SCEL: variants seen among roughly 807,000 people sequenced by gnomAD.
SCEL encodes the protein sciellin.
SCEL carries 113 observed loss-of-function variants against 117.6 expected under a neutral mutation model. The ratio of observed to expected loss-of-function variants is 0.96; its 90% CI spans 0.83 to 1.12. The LOEUF (loss-of-function observed/expected upper bound fraction) is 1.12, where lower values mean the gene tolerates loss of function less well. Ranked by LOEUF, SCEL falls within the 50% of genes most tolerant of loss-of-function variation. The pLI is 0.00. For synonymous variants in SCEL, 270 were observed against 256.2 expected, an observed-to-expected ratio of 1.05 and a Z score of -0.51; for missense variants, 785 against 810.8, an observed-to-expected ratio of 0.97 and a Z score of 0.39.
intron 5 of SCEL, among the ~76,000 whole-genome samples, chr13:77,564,354 CTT>C (rs2085165719): frequency 6.6e-6 from 1 of 152,128 alleles, no homozygotes; most frequent in Non-Finnish European, 1.5e-5. Flanking sequence ...GACGTTAGCT[CTT>C]TACTTTCTCT....
intron 12 of SCEL, among the ~76,000 whole-genome samples, chr13:77,595,678 T>C (rs1342640214): frequency 1.3e-5 from 2 of 152,082 alleles, no homozygotes; most frequent in African/African-American, 4.8e-5. Flanking sequence ...AGTTAGTGGG[T>C]AGAATATCAA....
chr13:77,566,365 A>G (rs943008294), intron 5 of SCEL, among the ~76,000 whole-genome samples: 1 of 152,156 alleles, frequency 6.6e-6, no homozygotes, highest in Non-Finnish European at 1.5e-5. Context: ...AGAGAGTAGA[A>G]AAAACATATC....
Position 77,627,982 on chromosome 13 carries a change from C to T in SCEL, c.1664C>T (p.Ser555Phe), listed in dbSNP as rs767985546. The change falls in exon 28 of 33, where the codon TCT (serine) becomes TTT (phenylalanine). Residue 555 changes from serine (S) to phenylalanine (F), a missense_variant. Physicochemically the swap from Ser to Phe is radical, Grantham distance 155 (BLOSUM62 -2). Transcript: ENST00000349847. ...QNLENLIEVNSHVSENKNGSS... is the reference protein window; with the variant it reads ...QNLENLIEVNFHVSENKNGSS... ...CTGGAAAATTTAATTGAAGTAAATTCTCATGTGTCTGAAAACAAGAATGGA... is the reference window on the plus strand; with the variant it reads ...CTGGAAAATTTAATTGAAGTAAATTTTCATGTGTCTGAAAACAAGAATGGA... 7 of 1,507,290 alleles carry T rather than the reference C, an allele frequency of 4.6e-6. No homozygotes were observed. 93.4% of individuals were successfully genotyped at this position (1,507,290 alleles called of 1,614,324 possible).
Position 77,556,686 on chromosome 13 carries a change from G to A in SCEL, c.134G>A (p.Trp45Ter), listed in dbSNP as rs762242954. 6.2e-7 allele frequency: 1 copy of A among 1,613,894 alleles called. No homozygotes were observed. The highest frequency in any genetic ancestry group is 8.5e-7 in the Non-Finnish European group (1 of 1,179,848). ...KRRTFLQDNSWIKKRPEEEKD... is the reference protein window; with the variant it reads ...KRRTFLQDNS ...AGAACTTTCTTACAGGATAACAGTT[G>A]GATAAAGAAACGCCCTGAAGAAGAA... is the stretch of plus-strand genomic sequence containing the variant. Residue 45 changes from tryptophan to a stop codon, truncating the protein, a stop_gained, in exon 3 of 33, where the codon TGG becomes TAG. Coordinates refer to ENST00000349847, the MANE Select transcript of SCEL (RefSeq NM_144777.3). LOFTEE classifies it high-confidence loss of function.
intron 1 of SCEL, among the ~76,000 whole-genome samples, chr13:77,539,626 C>G (rs1479074242): frequency 6.6e-6 from 1 of 152,092 alleles, no homozygotes; most frequent in African/African-American, 2.4e-5. Context: ...CAAGCTCCGC[C>G]TCCCGGGTTC....
At chr13:77,554,134 C>A (rs967482346) in intron 1 of SCEL, among the ~76,000 whole-genome samples, 3 of 152,054 alleles carry the variant, frequency 2.0e-5, no homozygotes, top group Admixed American at 2.0e-4. Flanking sequence ...GGGAGGCCAG[C>A]GAAGGAAGTG....
intron 9 of SCEL, among the ~76,000 whole-genome samples, chr13:77,573,259 T>C (rs151041172): frequency 1.8e-4 from 27 of 152,306 alleles, no homozygotes; most frequent in African/African-American, 6.3e-4. Flanking sequence ...AGAATCATGT[T>C]GTATAATCGA....
chr13:77,549,946 A>T (rs1469553790), intron 1 of SCEL, among the ~76,000 whole-genome samples: 1 of 151,452 alleles, frequency 6.6e-6, no homozygotes, highest in Non-Finnish European at 1.5e-5. Flanking sequence ...GCAAAACCGC[A>T]CGGGCCATAT....
chr13:77,583,629 G>A (rs1275885463), intron 9 of SCEL, among the ~76,000 whole-genome samples: 2 of 152,180 alleles, frequency 1.3e-5, no homozygotes, highest in African/African-American at 4.8e-5. Flanking sequence ...AAGAGAATTG[G>A]TTGTCTACAG....
intron 11 of SCEL, among the ~76,000 whole-genome samples, chr13:77,593,302 G>GTGCGCGTCTA (rs1567392122): frequency 6.8e-6 from 1 of 147,186 alleles, no homozygotes; most frequent in African/African-American, 2.5e-5. Context: ...GTGTGTCTGT[G>GTGCGCGTCTA]TGTGTGTGTG....
intron 3 of SCEL, among the ~76,000 whole-genome samples, chr13:77,557,270 A>C (rs953412002): frequency 7.9e-5 from 12 of 152,224 alleles, no homozygotes; most frequent in Non-Finnish European, 2.9e-5. Flanking sequence ...CATTGCTTCT[A>C]CTAGCTGAGA....
intron 12 of SCEL, 126 bp from the exon 13 acceptor site, chr13:77,597,419 G>C: frequency 1.7e-6 from 1 of 587,600 alleles, no homozygotes; most frequent in Non-Finnish European, 3.0e-6. Context: ...AGGATCATCA[G>C]GATTTTCGCA....
intron 28 of SCEL, 114 bp downstream of exon 28, chr13:77,628,123 T>C (rs1330309250): frequency 4.7e-6 from 1 of 212,652 alleles, no homozygotes; most frequent in Non-Finnish European, 9.3e-6. Flanking sequence ...TTATGTAATA[T>C]ATAATTTGGA....
chr13:77,596,688 GGTGTGTGTGTGTGTGTGT>G lies in SCEL; in HGVS notation c.753-839_753-822del, dbSNP rs71102762. The stretch of plus-strand genomic sequence containing the variant: ...GAGGAAGGCAAGAGAGGTGGGGCAA[GGTGTGTGTGTGTGTGTGT>G]GTGTGTGTGTGTGTGTGGTCGGGGG... On this transcript the variant is annotated intron_variant, in intron 12 of 32. Coordinates refer to ENST00000349847, the MANE Select transcript of SCEL (RefSeq NM_144777.3). Among the ~76,000 whole-genome samples, 3 of 145,466 alleles carry G rather than the reference GGTGTGTGTGTGTGTGTGT, an allele frequency of 2.1e-5. No homozygotes were observed. The South Asian group carries it at 6.7e-4, about 33-fold the overall frequency.
intron 4 of SCEL, among the ~76,000 whole-genome samples, chr13:77,562,125 C>A (rs1244753376): frequency 6.6e-6 from 1 of 152,102 alleles, no homozygotes; most frequent in Non-Finnish European, 1.5e-5. Context: ...GTGTTAAGAG[C>A]TGCAAACAAA....
At chr13:77,630,650 C>T (rs952389389) in intron 28 of SCEL, among the ~76,000 whole-genome samples, 8 of 152,114 alleles carry the variant, frequency 5.3e-5, no homozygotes, top group South Asian at 4.1e-4. Context: ...TATTCTCACA[C>T]GCAGTGTATG....
intron 6 of SCEL, 125 bp downstream of exon 6, chr13:77,567,873 T>C: frequency 1.6e-6 from 1 of 633,454 alleles, no homozygotes; most frequent in South Asian, 2.3e-5. Flanking sequence ...CTATCATTAC[T>C]CCTGTTCATG....
chr13:77,582,349 C>T (rs934949061), intron 9 of SCEL, among the ~76,000 whole-genome samples: 1 of 152,118 alleles, frequency 6.6e-6, no homozygotes, highest in East Asian at 1.9e-4. Context: ...GCCTCAGCCT[C>T]CTGAGTAGCT....
chr13:77,536,509 A>G (rs1198026060), intron 1 of SCEL, among the ~76,000 whole-genome samples: 1 of 152,130 alleles, frequency 6.6e-6, no homozygotes, highest in Non-Finnish European at 1.5e-5. Flanking sequence ...CTGCATTCTA[A>G]CCTAAGGAGT....
Sources: gnomAD v4.1 joint callset for allele counts (sites outside exome capture counted in the v4.1 genomes callset) on GRCh38, gnomAD v4.1.1 for gene constraint, MANE v1.5 for transcripts, NCBI Gene and HGNC (gene_info 2026-07-23, HGNC 2026-07-21) for gene names.